The following WWOX variants were observed in gnomAD, a reference collection of about 807,000 sequenced individuals.
WWOX encodes WW domain containing oxidoreductase.
WWOX carries 69 observed loss-of-function variants against 46.2 expected under a neutral mutation model. The observed-to-expected ratio is 1.49, with a 90% confidence interval of 1.23 to 1.82. WWOX has a LOEUF of 1.82. WWOX is among the 40% of genes most tolerant of loss of function. The pLI, the probability that WWOX is intolerant of heterozygous loss-of-function variation, is 0.00. For missense variants in WWOX, 919 were observed against 542.6 expected, an observed-to-expected ratio of 1.69 and a Z score of -6.89; for synonymous variants, 359 against 202.6, an observed-to-expected ratio of 1.77 and a Z score of -6.56.
chr16:78,617,024 GC>G (rs1396507364), intron 8 of WWOX, among the ~76,000 whole-genome samples: 4 of 152,164 alleles, frequency 2.6e-5, no homozygotes, highest in African/African-American at 9.7e-5. Flanking sequence ...GGTGATTTTG[GC>G]AGCCTTGCCA....
chr16:78,989,145 A>T (rs16949163), intron 8 of WWOX, among the ~76,000 whole-genome samples: 24,256 of 151,988 alleles, frequency 0.16, 2,300 homozygotes, highest in East Asian at 0.42. Context: ...AGTTCTGAAG[A>T]TGCTGAACCC....
At chr16:78,834,505 G>T (rs772620940) in intron 8 of WWOX, among the ~76,000 whole-genome samples, 1 of 152,168 alleles carries the variant, frequency 6.6e-6, no homozygotes, top group Non-Finnish European at 1.5e-5. Context: ...AGTGAGAAAA[G>T]TGTATCCTCA....
chr16:78,519,375 A>C (rs989129649), intron 8 of WWOX, among the ~76,000 whole-genome samples: 3 of 152,124 alleles, frequency 2.0e-5, no homozygotes, highest in African/African-American at 2.4e-5. Flanking sequence ...ATTTTGGCTT[A>C]GTTTCTTCCT....
chr16:78,394,485 C>A (rs917253072), intron 6 of WWOX, among the ~76,000 whole-genome samples: 57 of 152,088 alleles, frequency 3.7e-4, no homozygotes, highest in African/African-American at 1.2e-3. Context: ...CCCTCCTAAG[C>A]AAAATTTTGC....
Position 78,509,397 on chromosome 16 carries a change from C to T in WWOX, c.1056+76645C>T, listed in dbSNP as rs140503247. ...GAGGCTGCAGTGAGCTGAGTTTGCA[C>T]CACTGCATTCCAGCATTGGTGACAG... On this transcript the variant is annotated intron_variant, in intron 8 of 8. Coordinates refer to ENST00000566780, the MANE Select transcript of WWOX (RefSeq NM_016373.4). Among the ~76,000 whole-genome samples, 25 of 151,728 alleles carry T rather than the reference C, an allele frequency of 1.6e-4. 1 individual carries two copies. The highest frequency in any genetic ancestry group is 1.1e-3 in the Admixed American group (17 of 15,242).
chr16:78,281,727 C>T (rs1227059914), intron 5 of WWOX, among the ~76,000 whole-genome samples: 1 of 152,038 alleles, frequency 6.6e-6, no homozygotes, highest in Non-Finnish European at 1.5e-5. Flanking sequence ...ATTCTTTCCC[C>T]CCCGCCCCCA....
At chr16:79,149,637 A>G in intron 8 of WWOX, among the ~76,000 whole-genome samples, 1 of 152,194 alleles carries the variant, frequency 6.6e-6, no homozygotes, top group Non-Finnish European at 1.5e-5. Flanking sequence ...ACCAATGAGC[A>G]TTTAGTTTCA....
intron 8 of WWOX, among the ~76,000 whole-genome samples, chr16:78,758,183 T>G (rs2049703298): frequency 6.6e-6 from 1 of 152,186 alleles, no homozygotes; most frequent in Non-Finnish European, 1.5e-5. Context: ...AAGATCAATA[T>G]GATTTGCCAC....
At chr16:79,020,023 C>T (rs1287082041) in intron 8 of WWOX, among the ~76,000 whole-genome samples, 1 of 152,188 alleles carries the variant, frequency 6.6e-6, no homozygotes, top group Non-Finnish European at 1.5e-5. Context: ...CATTAACATG[C>T]CTTATCTGAC....
intron 8 of WWOX, among the ~76,000 whole-genome samples, chr16:78,484,880 G>C (rs766793309): frequency 1.1e-4 from 16 of 152,136 alleles, no homozygotes; most frequent in Non-Finnish European, 1.6e-4. Flanking sequence ...TTCTGTCCCA[G>C]TTACATCAAG....
chr16:79,009,902 C>T (rs918398159), intron 8 of WWOX, among the ~76,000 whole-genome samples: 2 of 152,194 alleles, frequency 1.3e-5, no homozygotes, highest in South Asian at 4.1e-4. Flanking sequence ...AGCTTTGGAA[C>T]TTATCAAGTT....
At chr16:79,001,680 T>C (rs905777) in intron 8 of WWOX, among the ~76,000 whole-genome samples, 140,641 of 150,864 alleles carry the variant, frequency 0.93, 66,249 homozygotes, top group East Asian at 1. Flanking sequence ...GGGGGAGAGA[T>C]TTCAAATTGA....
At position 79,164,903 on chromosome 16, in the gene WWOX, C is replaced by A. The variant is rs151231744; in HGVS notation, c.1057-46705C>A. 6.8e-4 allele frequency among the ~76,000 whole-genome samples: 104 copies of A among 152,190 alleles called. 1 individual carries two copies. The highest frequency in any genetic ancestry group is 3.4e-3 in the Middle Eastern group (1 of 294). The stretch of plus-strand genomic sequence containing the variant: ...AACACAAACCAGGCAAACCCACACA[C>A]CACAGAGAAGAGGCAAAGTGTGCAT... On this transcript the variant is annotated intron_variant, in intron 8 of 8. Transcript: ENST00000566780.
chr16:78,851,193 G>A (rs914489405), intron 8 of WWOX, among the ~76,000 whole-genome samples: 3 of 152,122 alleles, frequency 2.0e-5, no homozygotes, highest in African/African-American at 7.2e-5. Flanking sequence ...AGCCCACTAA[G>A]AGTAGGTCTT....
At chr16:78,707,093 G>A (rs1161084268) in intron 8 of WWOX, among the ~76,000 whole-genome samples, 5 of 152,164 alleles carry the variant, frequency 3.3e-5, no homozygotes, top group African/African-American at 1.2e-4. Flanking sequence ...TGGAATAATT[G>A]ACATCCAGGT....
chr16:78,442,822 A>T (rs544065899), intron 8 of WWOX, among the ~76,000 whole-genome samples: 71 of 152,078 alleles, frequency 4.7e-4, no homozygotes, highest in South Asian at 8.3e-4. Context: ...TCTACTAAAA[A>T]GATACAAAAA....
intron 8 of WWOX, among the ~76,000 whole-genome samples, chr16:79,065,344 C>T (rs73570890): frequency 0.12 from 18,138 of 152,082 alleles, 1,200 homozygotes; most frequent in Middle Eastern, 0.17. Context: ...TCAGCCTCCC[C>T]GAAAATTTGG....
chr16:78,677,056 CTT>C (rs34029812), intron 8 of WWOX, among the ~76,000 whole-genome samples: 5 of 147,864 alleles, frequency 3.4e-5, no homozygotes, highest in East Asian at 4.0e-4. Flanking sequence ...ACCTAGCGTA[CTT>C]TTTTTTTTTA....
intron 6 of WWOX, among the ~76,000 whole-genome samples, chr16:78,415,695 T>G (rs2082782397): frequency 6.6e-6 from 1 of 152,008 alleles, no homozygotes; most frequent in Admixed American, 6.6e-5. Context: ...CTTGAGGGGT[T>G]AAAAAAGGGA....
Sources: gnomAD v4.1 joint callset for allele counts (sites outside exome capture counted in the v4.1 genomes callset) on GRCh38, gnomAD v4.1.1 for gene constraint, MANE v1.5 for transcripts, NCBI Gene and HGNC (gene_info 2026-07-23, HGNC 2026-07-21) for gene names.